KCNH8: variants seen among roughly 807,000 people sequenced by gnomAD.
KCNH8 encodes the protein potassium voltage-gated channel subfamily H member 8.
KCNH8 carries 70 observed loss-of-function variants against 103.6 expected under a neutral mutation model. The observed-to-expected ratio is 0.68, with a 90% CI of 0.56 to 0.82. KCNH8 has a LOEUF of 0.82. Among genes scored for constraint, KCNH8 ranks in the 40% least tolerant of loss-of-function variants. The probability of loss-of-function intolerance (pLI) is 0.00; values close to 1 mark genes in which losing one functional copy is unlikely to be tolerated. For missense variants in KCNH8, 1,217 were observed against 1,329.9 expected, an observed-to-expected ratio of 0.92 and a Z score of 1.32; for synonymous variants, 498 against 489.4, an observed-to-expected ratio of 1.02 and a Z score of -0.23.
chr3:19,404,608 G>A (rs2066663948), intron 7 of KCNH8, among the ~76,000 whole-genome samples: 1 of 151,840 alleles, frequency 6.6e-6, no homozygotes, highest in African/African-American at 2.4e-5. Flanking sequence ...ATATTTAAAT[G>A]AGTTCAGTGT....
At chr3:19,153,144 C>T (rs1203380450) in intron 1 of KCNH8, among the ~76,000 whole-genome samples, 1 of 152,014 alleles carries the variant, frequency 6.6e-6, no homozygotes, top group African/African-American at 2.4e-5. Context: ...CTCTAAAGGA[C>T]TTATCACAGG....
chr3:19,477,144 T>C (rs372519053), intron 11 of KCNH8, among the ~76,000 whole-genome samples: 2 of 152,136 alleles, frequency 1.3e-5, no homozygotes, highest in East Asian at 3.9e-4. Flanking sequence ...GGAAAACTGT[T>C]ATTTAAGTAT....
intron 2 of KCNH8, among the ~76,000 whole-genome samples, chr3:19,276,324 A>T (rs1048502758): frequency 6.6e-6 from 1 of 152,062 alleles, no homozygotes; most frequent in Non-Finnish European, 1.5e-5. Context: ...ATCAGACTTA[A>T]TGTGAACTAG....
chr3:19,167,777 A>G (rs1185190432), intron 1 of KCNH8, among the ~76,000 whole-genome samples: 1 of 152,212 alleles, frequency 6.6e-6, no homozygotes. Context: ...GTATTCAACT[A>G]TAACACAGTA....
At chr3:19,183,780 T>C (rs1315438900) in intron 1 of KCNH8, among the ~76,000 whole-genome samples, 2 of 151,994 alleles carry the variant, frequency 1.3e-5, no homozygotes, top group Non-Finnish European at 2.9e-5. Context: ...AAAAGAGAAA[T>C]GGACCAACGC....
At chr3:19,308,715 TCTCCCC>T (rs2065167253) in intron 3 of KCNH8, among the ~76,000 whole-genome samples, 1 of 50,812 alleles carries the variant, frequency 2.0e-5, no homozygotes, top group Non-Finnish European at 3.5e-5. Flanking sequence ...TCTCTCTCTC[TCTCCCC>T]CTCTCTCCCT....
At chr3:19,368,860 T>A (rs1249305488) in intron 5 of KCNH8, among the ~76,000 whole-genome samples, 1 of 152,004 alleles carries the variant, frequency 6.6e-6, no homozygotes, top group Non-Finnish European at 1.5e-5. Context: ...ATTTTAAAAA[T>A]TTATTTTACT....
chr3:19,175,248 G>A (rs2063386405), intron 1 of KCNH8, among the ~76,000 whole-genome samples: 2 of 146,062 alleles, frequency 1.4e-5, no homozygotes. Context: ...TTGAGACGGA[G>A]TCTCGCTCTG....
At chr3:19,293,506 G>C (rs1290502793) in intron 3 of KCNH8, among the ~76,000 whole-genome samples, 1 of 152,156 alleles carries the variant, frequency 6.6e-6, no homozygotes. Flanking sequence ...CTCTAGATTA[G>C]ACCTTTCGAT....
At position 19,369,092 on chromosome 3, in the gene KCNH8, TG is replaced by T. The variant is rs765991632; in HGVS notation, c.811+21128del. Among the ~76,000 whole-genome samples, 174 of 151,714 alleles carry T rather than the reference TG, an allele frequency of 1.1e-3. 3 individuals carry two copies. The highest frequency in any genetic ancestry group is 2.9e-3 in the East Asian group (15 of 5,172). ...AAAGCTCAAAGAGTTTAAATCACTTTGTTTTTTAAAGGAAATATGTTTGGAA... is the reference window on the plus strand; with the variant it reads ...AAAGCTCAAAGAGTTTAAATCACTTTTTTTTTAAAGGAAATATGTTTGGAA... On this transcript the variant is annotated intron_variant, in intron 5 of 15. Transcript: ENST00000328405.
chr3:19,187,033 AT>A (rs1474995004), intron 1 of KCNH8, among the ~76,000 whole-genome samples: 2 of 152,078 alleles, frequency 1.3e-5, no homozygotes, highest in Non-Finnish European at 2.9e-5. Flanking sequence ...ATAAAACTTT[AT>A]TTATGGACAT....
chr3:19,330,134 T>A (rs2065485785), intron 3 of KCNH8, among the ~76,000 whole-genome samples: 1 of 152,128 alleles, frequency 6.6e-6, no homozygotes, highest in South Asian at 2.1e-4. Context: ...GCATAATGTG[T>A]GTAATATTTT....
chr3:19,346,700 T>G (rs1477707027), intron 4 of KCNH8: 8 of 456,226 alleles, frequency 1.8e-5, no homozygotes, highest in Non-Finnish European at 3.1e-5. Flanking sequence ...CTTCCCTCAA[T>G]GAGTGAGACA....
chr3:19,408,319 AAAT>A (rs748279331), intron 7 of KCNH8, among the ~76,000 whole-genome samples: 2 of 152,118 alleles, frequency 1.3e-5, no homozygotes, highest in Admixed American at 6.6e-5. Flanking sequence ...AAGGGAAAGA[AAAT>A]AATAATAATA....
intron 2 of KCNH8, among the ~76,000 whole-genome samples, chr3:19,257,293 C>T (rs767952533): frequency 9.2e-5 from 14 of 152,008 alleles, no homozygotes; most frequent in Non-Finnish European, 1.9e-4. Context: ...CCTGACCTTA[C>T]AGAAAAAGTG....
At chr3:19,264,959 C>G (rs2064487429) in intron 2 of KCNH8, among the ~76,000 whole-genome samples, 1 of 152,036 alleles carries the variant, frequency 6.6e-6, no homozygotes, top group Non-Finnish European at 1.5e-5. Flanking sequence ...CCTGGCAAAC[C>G]TAAGCTTTCC....
intron 7 of KCNH8, among the ~76,000 whole-genome samples, chr3:19,414,371 A>G (rs1575037660): frequency 1.3e-5 from 2 of 152,252 alleles, no homozygotes. Flanking sequence ...AATAGAAAAC[A>G]TACAAATCAA....
chr3:19,391,486 T>A (rs2066437308), intron 6 of KCNH8, among the ~76,000 whole-genome samples: 4 of 152,042 alleles, frequency 2.6e-5, no homozygotes, highest in African/African-American at 9.7e-5. Context: ...TTCTAGTCAA[T>A]TGACAGTGCT....
chr3:19,229,580 A>T (rs2063969934), intron 1 of KCNH8, among the ~76,000 whole-genome samples: 1 of 152,230 alleles, frequency 6.6e-6, no homozygotes, highest in Admixed American at 6.5e-5. Flanking sequence ...GGCTGCGCAC[A>T]GCATGCAGAC....
Sources: allele counts gnomAD v4.1 joint callset (sites outside exome capture counted in the v4.1 genomes callset), GRCh38; gene constraint gnomAD v4.1.1; transcripts MANE v1.5; gene names NCBI Gene and HGNC (gene_info 2026-07-23, HGNC 2026-07-21).